The following ENPP3 variants were observed in gnomAD, a reference collection of about 807,000 sequenced individuals.
ENPP3 encodes ectonucleotide pyrophosphatase/phosphodiesterase 3, also known as ectonucleotide pyrophosphatase/phosphodiesterase family member 3.
A neutral mutation model predicts 117.8 loss-of-function variants in ENPP3; 104 were observed. The observed-to-expected ratio is 0.88, with a 90% CI of 0.75 to 1.04. The LOEUF (loss-of-function observed/expected upper bound fraction) is 1.04, where lower values mean the gene tolerates loss of function less well. ENPP3 is among the 50% of genes least tolerant of loss of function. The pLI is 0.00. For synonymous variants in ENPP3, 380 were observed against 349.9 expected (o/e 1.09, Z -0.96); for missense variants, 1,026 against 1,051.9 (o/e 0.98, Z 0.34).
chr6:131,694,200 G>C (rs1038437501), intron 15 of ENPP3, among the ~76,000 whole-genome samples: 1 of 152,126 alleles, frequency 6.6e-6, no homozygotes, highest in Non-Finnish European at 1.5e-5. Flanking sequence ...TCAAGTGATT[G>C]TTATTAGACA....
intron 5 of ENPP3, among the ~76,000 whole-genome samples, chr6:131,653,508 T>A (rs143344470): frequency 6.6e-6 from 1 of 152,294 alleles, no homozygotes. Context: ...AAAGTTCTTA[T>A]GGTCAGGATT....
intron 15 of ENPP3, among the ~76,000 whole-genome samples, chr6:131,718,333 AT>A (rs200380228): frequency 6.6e-6 from 1 of 151,592 alleles, no homozygotes; most frequent in Non-Finnish European, 1.5e-5. Context: ...AGACAAATTC[AT>A]TTTTTTTTAA....
In ENPP3 at chr6:131,685,362, A is replaced by C; in HGVS notation, c.1121-2A>C. 6.2e-7 allele frequency: 1 copy of C among 1,604,338 alleles called. No homozygotes were observed. Among genetic ancestry groups the C allele is most frequent in the Non-Finnish European group, 8.5e-7 (1 of 1,174,654 alleles). ...GGTTATTATGATTATTTTTTTATTC[A>C]GGAATGGACCAGACTTATTGTAACA... On this transcript the variant is annotated splice_acceptor_variant, in intron 12 of 24. Coordinates refer to ENST00000357639, the MANE Select transcript of ENPP3 (RefSeq NM_005021.5). LOFTEE classifies it high-confidence loss of function.
chr6:131,654,164 C>A (rs1778330225), intron 5 of ENPP3, among the ~76,000 whole-genome samples: 1 of 151,070 alleles, frequency 6.6e-6, no homozygotes. Flanking sequence ...TAGGGTCTCA[C>A]TCTGTCACCA....
intron 15 of ENPP3, among the ~76,000 whole-genome samples, chr6:131,707,016 T>A (rs1779655932): frequency 6.6e-6 from 1 of 151,608 alleles, no homozygotes; most frequent in African/African-American, 2.4e-5. Flanking sequence ...GAATTGGTGT[T>A]AACTTTTTAA....
At chr6:131,655,262 A>G (rs1371194864) in intron 5 of ENPP3, among the ~76,000 whole-genome samples, 1 of 152,218 alleles carries the variant, frequency 6.6e-6, no homozygotes, top group Non-Finnish European at 1.5e-5. Flanking sequence ...ACCAGCTAAC[A>G]TTCATATAGT....
At chr6:131,672,678 T>A (rs1027623996) in intron 7 of ENPP3, among the ~76,000 whole-genome samples, 1 of 151,584 alleles carries the variant, frequency 6.6e-6, no homozygotes, top group Non-Finnish European at 1.5e-5. Flanking sequence ...TATACATAAA[T>A]ATATACCATA....
Position 131,720,380 on chromosome 6 carries a change from G to C in ENPP3, c.1567+1G>C. ...ATTGAAGTCTATAACCTAATGTGTG[G>C]TAAGTATATTTAAATAAGTTCGCCA... On this transcript the variant is annotated splice_donor_variant, in intron 17 of 24. Transcript: ENST00000357639. LOFTEE classifies it high-confidence loss of function. The C allele has an allele frequency of 1.4e-6, 2 of 1,472,418 alleles. No individual in the cohort carries two copies. The highest frequency in any genetic ancestry group is 1.9e-6 in the Non-Finnish European group (2 of 1,071,512). 91.2% of individuals were successfully genotyped at this position (1,472,418 alleles called of 1,614,324 possible).
intron 19 of ENPP3, among the ~76,000 whole-genome samples, chr6:131,725,248 A>G (rs1038882370): frequency 3.3e-5 from 5 of 152,070 alleles, no homozygotes; most frequent in Admixed American, 6.6e-5. Context: ...AAAAACCACA[A>G]TTACTTTTGC....
At chr6:131,746,443 G>GA (rs1158768021) in intron 24 of ENPP3, among the ~76,000 whole-genome samples, 1 of 151,910 alleles carries the variant, frequency 6.6e-6, no homozygotes, top group Non-Finnish European at 1.5e-5. Context: ...GTAAAAGTTT[G>GA]AAAAAACAGA....
At chr6:131,742,326 A>T (rs1392018267) in intron 24 of ENPP3, among the ~76,000 whole-genome samples, 1 of 152,164 alleles carries the variant, frequency 6.6e-6, no homozygotes, top group Non-Finnish European at 1.5e-5. Context: ...ACTCTTTACC[A>T]TGAAATCTGG....
chr6:131,721,688 G>A lies in ENPP3; in HGVS notation c.1568-539G>A, dbSNP rs754685504. On this transcript the variant is annotated intron_variant, in intron 17 of 24. Coordinates refer to ENST00000357639, the MANE Select transcript of ENPP3 (RefSeq NM_005021.5). ...AATTCACTAGTTCCATTTTTTAAAA[G>A]TGTCTATCTTTAGAGAATAAATGTA... Among the ~76,000 whole-genome samples, 108 of 151,702 alleles carry A rather than the reference G, an allele frequency of 7.1e-4. 1 individual carries two copies. The highest frequency in any genetic ancestry group is 7.2e-4 in the Non-Finnish European group (49 of 67,938).
intron 21 of ENPP3, among the ~76,000 whole-genome samples, chr6:131,736,900 G>A (rs1780408721): frequency 6.6e-6 from 1 of 152,138 alleles, no homozygotes; most frequent in Non-Finnish European, 1.5e-5. Flanking sequence ...GTCTCTCCCA[G>A]CTTCTGGTGG....
At chr6:131,738,601 C>T (rs1016059079) in intron 23 of ENPP3, among the ~76,000 whole-genome samples, 6 of 148,706 alleles carry the variant, frequency 4.0e-5, no homozygotes, top group Non-Finnish European at 7.6e-5. Context: ...GTGAACAGTT[C>T]ATAAAAGCAC....
rs558966215 is a variant in ENPP3, at chr6:131,652,391, G to T, written c.278-151G>T. ...GGCTAGTGAAGAAAAGTGGTGGTTT[G>T]CCCCTCATTTGGTATTATGTATTTT... On this transcript the variant is annotated intron_variant, in intron 3 of 24. Coordinates refer to ENST00000357639, the MANE Select transcript of ENPP3 (RefSeq NM_005021.5). The T allele has an allele frequency of 5.0e-6, 4 of 798,718 alleles. No homozygotes were observed. In the Admixed American group the frequency reaches 8.8e-5, roughly 18 times the overall value. 49.5% of individuals were successfully genotyped at this position (798,718 alleles called of 1,614,324 possible).
intron 15 of ENPP3, among the ~76,000 whole-genome samples, chr6:131,697,822 G>A (rs1779442267): frequency 6.6e-6 from 1 of 152,094 alleles, no homozygotes. Context: ...ACAGACAGGT[G>A]TGGGTCCATG....
At chr6:131,648,678 G>T (rs1474400900) in intron 2 of ENPP3, among the ~76,000 whole-genome samples, 1 of 152,144 alleles carries the variant, frequency 6.6e-6, no homozygotes, top group African/African-American at 2.4e-5. Context: ...GTTGTGCATA[G>T]TTGAACTTTC....
rs528334923 is a variant in ENPP3, at chr6:131,639,777, T to A, written c.79-1678T>A. On this transcript the variant is annotated intron_variant, in intron 1 of 24. Transcript: ENST00000357639. ...TTTAAGATACATGTGCACCCCAATATCAAGAAGCTTTTTTGGAATTACATA... is the reference window on the plus strand; with the variant it reads ...TTTAAGATACATGTGCACCCCAATAACAAGAAGCTTTTTTGGAATTACATA... Among the ~76,000 whole-genome samples the A allele has an allele frequency of 1.2e-4, 18 of 152,274 alleles. 1 individual carries two copies. In the South Asian group the frequency reaches 3.5e-3, roughly 30 times the overall value.
Position 131,738,051 on chromosome 6 carries a change from A to C in ENPP3, c.2188A>C (p.Ser730Arg). The change falls in exon 23 of 25, where the codon AGT (serine) becomes CGT (arginine). Residue 730 changes from serine (S) to arginine (R), a missense_variant. By Grantham distance (110) the Ser-to-Arg change is moderately radical (BLOSUM62 -1). Transcript: ENST00000357639. ...EFRKMWDYFH[S>R]VLLIKHATER... ...TTTAGAAATGTGGGACTACTTCCAC[A>C]GTGTTCTTCTTATAAAACATGCCAC... The C allele has an allele frequency of 6.2e-7, 1 of 1,601,484 alleles. No individual in the cohort carries two copies. The highest frequency in any genetic ancestry group is 8.5e-7 in the Non-Finnish European group (1 of 1,172,862).
Sources: gnomAD v4.1 joint callset for allele counts (sites outside exome capture counted in the v4.1 genomes callset) on GRCh38, gnomAD v4.1.1 for gene constraint, MANE v1.5 for transcripts, NCBI Gene and HGNC (gene_info 2026-07-23, HGNC 2026-07-21) for gene names.